The following IFNG-AS1 variants were observed in gnomAD, a reference collection of about 807,000 sequenced individuals.
The protein encoded by IFNG-AS1 is IFNG regulatory antisense RNA 1.
intron 3 of IFNG-AS1, among the ~76,000 whole-genome samples, chr12:68,011,153 A>G (rs1194325811): frequency 6.6e-6 from 1 of 152,220 alleles, no homozygotes; most frequent in Admixed American, 6.5e-5. Flanking sequence ...TAACAACAGG[A>G]AACTGTACGA....
At chr12:68,014,683 G>A (rs78002201) in intron 3 of IFNG-AS1, among the ~76,000 whole-genome samples, 1,925 of 152,132 alleles carry the variant, frequency 0.013, 44 homozygotes, top group African/African-American at 0.044. Context: ...CTTGAACTGC[G>A]TCTCTTTCCT....
At chr12:68,012,865 A>G (rs959936594) in intron 3 of IFNG-AS1, among the ~76,000 whole-genome samples, 1 of 152,206 alleles carries the variant, frequency 6.6e-6, no homozygotes, top group Non-Finnish European at 1.5e-5. Flanking sequence ...CATTCTATAA[A>G]AACAACAACA....
chr12:68,001,454 C>A (rs1247867403), intron 2 of IFNG-AS1: 7 of 243,160 alleles, frequency 2.9e-5, no homozygotes, highest in Non-Finnish European at 5.0e-5. Context: ...GCTCTTATTA[C>A]CAGTTTTCAT....
At chr12:68,005,016 T>A (rs1241543735) in intron 2 of IFNG-AS1, among the ~76,000 whole-genome samples, 1 of 152,316 alleles carries the variant, frequency 6.6e-6, no homozygotes, top group African/African-American at 2.4e-5. Flanking sequence ...CTTTCTGAGG[T>A]GACATTTATA....
At chr12:68,006,348 G>T (rs1316101303) in intron 3 of IFNG-AS1, among the ~76,000 whole-genome samples, 1 of 152,136 alleles carries the variant, frequency 6.6e-6, no homozygotes, top group Non-Finnish European at 1.5e-5. Flanking sequence ...CTAGAAAAAA[G>T]TTAAAGAAGG....
intron 2 of IFNG-AS1, among the ~76,000 whole-genome samples, chr12:67,999,881 G>C (rs1879727981): frequency 6.6e-6 from 1 of 152,162 alleles, no homozygotes; most frequent in South Asian, 2.1e-4. Flanking sequence ...CCTTAACCAA[G>C]TGTTGAAGGC....
chr12:68,004,028 T>C (rs1466363813), intron 2 of IFNG-AS1, among the ~76,000 whole-genome samples: 2 of 148,904 alleles, frequency 1.3e-5, no homozygotes, highest in Non-Finnish European at 3.0e-5. Flanking sequence ...GTATACTGGA[T>C]AAAGCCCTGC....
chr12:68,007,933 C>T (rs1307263401), intron 3 of IFNG-AS1, among the ~76,000 whole-genome samples: 1 of 152,138 alleles, frequency 6.6e-6, no homozygotes, highest in Non-Finnish European at 1.5e-5. Context: ...ATAAGTGAAG[C>T]TTCTTCTGAA....
intron 2 of IFNG-AS1, among the ~76,000 whole-genome samples, chr12:67,997,635 A>G (rs1330292657): frequency 6.6e-6 from 1 of 151,916 alleles, no homozygotes; most frequent in East Asian, 1.9e-4. Flanking sequence ...CAATTAAAAA[A>G]AAAAGATTGA....
At chr12:68,019,060 G>A (rs547781608) in intron 3 of IFNG-AS1, among the ~76,000 whole-genome samples, 33 of 152,180 alleles carry the variant, frequency 2.2e-4, no homozygotes, top group African/African-American at 6.7e-4. Context: ...TTGATTAAGC[G>A]TTTGGGTCTC....
At chr12:67,994,541 T>C (rs993770449) in intron 1 of IFNG-AS1, among the ~76,000 whole-genome samples, 8 of 152,222 alleles carry the variant, frequency 5.3e-5, no homozygotes, top group Admixed American at 5.2e-4. Flanking sequence ...AACCCCTATA[T>C]ACAATTACCT....
At chr12:68,008,241 C>A (rs192284478) in intron 3 of IFNG-AS1, among the ~76,000 whole-genome samples, 1 of 151,924 alleles carries the variant, frequency 6.6e-6, no homozygotes, top group Non-Finnish European at 1.5e-5. Context: ...ACGGTGAAAC[C>A]CCATCTCCAC....
chr12:68,014,431 G>A (rs1880100525), intron 3 of IFNG-AS1, among the ~76,000 whole-genome samples: 1 of 152,178 alleles, frequency 6.6e-6, no homozygotes, highest in African/African-American at 2.4e-5. Context: ...CCTGATCACT[G>A]CATCCATGCC....
At chr12:68,020,654 CAG>C (rs1880265259) in intron 4 of IFNG-AS1, 1 of 152,106 alleles carries the variant, frequency 6.6e-6, no homozygotes, top group African/African-American at 2.4e-5. Context: ...GGAATCTGGG[CAG>C]AGTGTTCAAA....
intron 4 of IFNG-AS1, chr12:68,020,486 A>T (rs1311667285): frequency 6.6e-6 from 1 of 152,216 alleles, no homozygotes; most frequent in Non-Finnish European, 1.5e-5. Flanking sequence ...GAGGGCCAAA[A>T]GTTCTTTGTC....
chr12:67,995,493 C>A (rs367715042), intron 1 of IFNG-AS1, among the ~76,000 whole-genome samples: 1 of 143,918 alleles, frequency 6.9e-6, no homozygotes, highest in Non-Finnish European at 1.5e-5. Flanking sequence ...GAGGCCGAGG[C>A]GGGCAGATTA....
intron 2 of IFNG-AS1, among the ~76,000 whole-genome samples, chr12:68,003,726 A>G (rs1879836426): frequency 6.6e-6 from 1 of 152,114 alleles, no homozygotes; most frequent in Non-Finnish European, 1.5e-5. Context: ...CATCTTGGCT[A>G]ACACGGCAAA....
chr12:68,011,643 T>C (rs553323974), intron 3 of IFNG-AS1, among the ~76,000 whole-genome samples: 1 of 152,312 alleles, frequency 6.6e-6, no homozygotes, highest in East Asian at 1.9e-4. Flanking sequence ...AAAACTCAAA[T>C]GCAGACTGAA....
intron 2 of IFNG-AS1, among the ~76,000 whole-genome samples, chr12:68,000,838 T>G (rs959870454): frequency 2.0e-5 from 3 of 152,194 alleles, no homozygotes; most frequent in African/African-American, 7.2e-5. Context: ...ATGAAGTAAT[T>G]TTTTTATAAA....
Sources: gnomAD v4.1 joint callset for allele counts (sites outside exome capture counted in the v4.1 genomes callset) on GRCh38, gnomAD v4.1.1 for gene constraint, MANE v1.5 for transcripts, NCBI Gene and HGNC (gene_info 2026-07-23, HGNC 2026-07-21) for gene names.